Variants in MSRA observed in about 807,000 individuals in gnomAD.
MSRA encodes the protein methionine sulfoxide reductase A, also known as mitochondrial peptide methionine sulfoxide reductase.
In MSRA, 54 loss-of-function variants were observed where a neutral mutation model predicts 31.3. That is an observed-to-expected ratio of 1.73 (90% confidence interval 1.39 to 2.17). MSRA has a LOEUF of 2.17. Among genes scored for constraint, MSRA ranks in the 30% most tolerant of loss-of-function variants. MSRA has a pLI of 0.00. For synonymous variants in MSRA, 169 were observed against 116.5 expected, an observed-to-expected ratio of 1.45 and a Z score of -2.90; for missense variants, 507 against 300.9, an observed-to-expected ratio of 1.69 and a Z score of -5.07.
chr8:10,323,287 T>C (rs1032343801), intron 5 of MSRA, among the ~76,000 whole-genome samples: 1 of 151,920 alleles, frequency 6.6e-6, no homozygotes, highest in African/African-American at 2.4e-5. Context: ...GCAGTATTTA[T>C]AACTACTACT....
At chr8:10,316,953 C>T (rs1454306987) in intron 4 of MSRA, among the ~76,000 whole-genome samples, 2 of 152,186 alleles carry the variant, frequency 1.3e-5, no homozygotes, top group African/African-American at 4.8e-5. Flanking sequence ...GCAATGCCAG[C>T]ATCCCTGGTG....
intron 3 of MSRA, among the ~76,000 whole-genome samples, chr8:10,299,469 T>C (rs1194002136): frequency 1.3e-5 from 2 of 152,160 alleles, no homozygotes; most frequent in Middle Eastern, 3.2e-3. Context: ...TGTCATTCTT[T>C]TCATATCTTT....
At chr8:10,187,417 C>T (rs779231016) in intron 1 of MSRA, among the ~76,000 whole-genome samples, 20 of 152,164 alleles carry the variant, frequency 1.3e-4, no homozygotes, top group Non-Finnish European at 2.9e-5. Flanking sequence ...AGCTACCTTC[C>T]ACCACCAGCT....
intron 1 of MSRA, among the ~76,000 whole-genome samples, chr8:10,157,527 G>C (rs1400622545): frequency 6.6e-6 from 1 of 152,090 alleles, no homozygotes; most frequent in Non-Finnish European, 1.5e-5. Flanking sequence ...GATAGTGGGA[G>C]GTGGCTGGAG....
intron 1 of MSRA, among the ~76,000 whole-genome samples, chr8:10,098,980 G>A (rs79957172): frequency 0.081 from 12,337 of 152,238 alleles, 627 homozygotes; most frequent in African/African-American, 0.14. Context: ...GGAAGATAAG[G>A]CCCCTCCCAC....
At chr8:10,099,561 A>G (rs1014082981) in intron 1 of MSRA, among the ~76,000 whole-genome samples, 2 of 152,256 alleles carry the variant, frequency 1.3e-5, no homozygotes, top group African/African-American at 2.4e-5. Context: ...ATAAGTATTC[A>G]TGGAAGAAAT....
intron 5 of MSRA, among the ~76,000 whole-genome samples, chr8:10,424,906 G>C (rs978774807): frequency 6.6e-6 from 1 of 152,184 alleles, no homozygotes; most frequent in Non-Finnish European, 1.5e-5. Flanking sequence ...GGCCCACCCC[G>C]GGGGACAGCG....
intron 3 of MSRA, among the ~76,000 whole-genome samples, chr8:10,296,099 G>C (rs760473946): frequency 6.6e-6 from 1 of 152,150 alleles, no homozygotes; most frequent in African/African-American, 2.4e-5. Context: ...GAGAATCTGG[G>C]CCTTTCTAGG....
intron 5 of MSRA, among the ~76,000 whole-genome samples, chr8:10,404,797 G>A (rs1269297294): frequency 2.0e-5 from 3 of 152,074 alleles, no homozygotes; most frequent in African/African-American, 7.2e-5. Context: ...CCACCTCACT[G>A]GGACCCTTCC....
chr8:10,248,154 G>T (rs1179193450), intron 3 of MSRA, among the ~76,000 whole-genome samples: 3 of 152,164 alleles, frequency 2.0e-5, no homozygotes, highest in Non-Finnish European at 2.9e-5. Context: ...GTCCATTGTG[G>T]GAGAAATACT....
At chr8:10,340,958 G>T (rs6601441) in intron 5 of MSRA, among the ~76,000 whole-genome samples, 98,426 of 152,026 alleles carry the variant, frequency 0.65, 32,278 homozygotes, top group South Asian at 0.82. Flanking sequence ...CAACAAATAC[G>T]TTGATGTGGA....
rs1424414316 is a variant in MSRA, at chr8:10,077,603, A to G, written c.142+22945A>G. On this transcript the variant is annotated intron_variant, in intron 1 of 5. Coordinates refer to ENST00000317173, the MANE Select transcript of MSRA (RefSeq NM_012331.5). Reference sequence around the variant, plus strand: ...CTCTCTGAGTGTTGGAATTACAGCCATGAGTCCCCAGGACTGGACCCCTTT... The same window carrying G: ...CTCTCTGAGTGTTGGAATTACAGCCGTGAGTCCCCAGGACTGGACCCCTTT... 9.3e-5 allele frequency among the ~76,000 whole-genome samples: 14 copies of G among 150,728 alleles called. No individual in the cohort carries two copies. In the Admixed American group the frequency reaches 9.3e-4, roughly 10 times the overall value.
At chr8:10,138,186 C>T (rs992680691) in intron 1 of MSRA, among the ~76,000 whole-genome samples, 3 of 152,164 alleles carry the variant, frequency 2.0e-5, no homozygotes, top group African/African-American at 7.2e-5. Context: ...GGATGTATCC[C>T]TGTGCAGTAC....
At chr8:10,237,681 C>A (rs1812062360) in intron 2 of MSRA, among the ~76,000 whole-genome samples, 2 of 152,208 alleles carry the variant, frequency 1.3e-5, no homozygotes, top group South Asian at 2.1e-4. Flanking sequence ...ACGTCTGCTC[C>A]ATCCACAAGG....
At chr8:10,070,391 G>A (rs1198526242) in intron 1 of MSRA, among the ~76,000 whole-genome samples, 1 of 152,158 alleles carries the variant, frequency 6.6e-6, no homozygotes, top group Non-Finnish European at 1.5e-5. Context: ...ATAGCCCACA[G>A]GCCAAGTGTG....
chr8:10,306,865 T>G (rs1801168213), intron 4 of MSRA, among the ~76,000 whole-genome samples: 1 of 152,208 alleles, frequency 6.6e-6, no homozygotes, highest in African/African-American at 2.4e-5. Flanking sequence ...CAACCCATCT[T>G]GCTGTCCTCA....
In MSRA at chr8:10,245,151, G is replaced by A. The variant is rs757593617; in HGVS notation, c.259G>A (p.Gly87Arg). The change falls in exon 3 of 6, where the codon GGA (glycine) becomes AGA (arginine). Residue 87 changes from glycine to arginine, a missense_variant. Coordinates refer to ENST00000317173, the MANE Select transcript of MSRA (RefSeq NM_012331.5). ...TGAAAGGAAATTCTGGGTCTTGAAA[G>A]GAGTGTATTCAACTCAAGTTGGTTT... Reference protein sequence around the residue: ...GAERKFWVLKGVYSTQVGFAG... With the variant: ...GAERKFWVLKRVYSTQVGFAG... 2 of 1,613,502 alleles carry A rather than the reference G, an allele frequency of 1.2e-6. No individual in the cohort carries two copies. Among genetic ancestry groups the A allele is most frequent in the African/African-American group, 2.7e-5 (2 of 74,814 alleles).
At chr8:10,212,885 T>G (rs758615361) in intron 2 of MSRA, among the ~76,000 whole-genome samples, 3 of 152,196 alleles carry the variant, frequency 2.0e-5, no homozygotes, top group Non-Finnish European at 4.4e-5. Context: ...CCATCATTAT[T>G]TATTTTTTAA....
At chr8:10,231,564 A>G (rs1811476843) in intron 2 of MSRA, among the ~76,000 whole-genome samples, 1 of 152,204 alleles carries the variant, frequency 6.6e-6, no homozygotes, top group South Asian at 2.1e-4. Context: ...TCATTCTCAG[A>G]TGGATGATAT....
Sources: gnomAD v4.1 joint callset for allele counts (sites outside exome capture counted in the v4.1 genomes callset) on GRCh38, gnomAD v4.1.1 for gene constraint, MANE v1.5 for transcripts, NCBI Gene and HGNC (gene_info 2026-07-23, HGNC 2026-07-21) for gene names.